Variants in SEMA6D observed in about 807,000 individuals in gnomAD.
The protein encoded by SEMA6D is semaphorin 6D, also known as semaphorin-6D.
SEMA6D carries 35 observed loss-of-function variants against 106.6 expected under a neutral mutation model. The ratio of observed to expected loss-of-function variants is 0.33; its 90% CI spans 0.25 to 0.44. The LOEUF is 0.44. Ranked by LOEUF, SEMA6D falls within the 20% of genes least tolerant of loss-of-function variation. The pLI is 1.00. For missense variants in SEMA6D, 1,185 were observed against 1,345.9 expected (o/e 0.88, Z 1.87); for synonymous variants, 499 against 487.7 (o/e 1.02, Z -0.31).
chr15:47,265,907 C>T (rs2034294987), intron 1 of SEMA6D, among the ~76,000 whole-genome samples: 2 of 152,092 alleles, frequency 1.3e-5, no homozygotes, highest in South Asian at 4.1e-4. Flanking sequence ...GTTGGGATGA[C>T]AGTGGTTTTA....
At chr15:47,309,998 G>A (rs1496913) in intron 1 of SEMA6D, among the ~76,000 whole-genome samples, 150,591 of 152,304 alleles carry the variant, frequency 0.99, 74,460 homozygotes, top group Middle Eastern at 1. Flanking sequence ...CTCAGAAGAT[G>A]GCCTTGACTG....
At chr15:47,648,399 G>A (rs897579494) in intron 4 of SEMA6D, among the ~76,000 whole-genome samples, 1 of 152,076 alleles carries the variant, frequency 6.6e-6, no homozygotes, top group Non-Finnish European at 1.5e-5. Flanking sequence ...TCCTCTCCAG[G>A]GCTGGTTCCC....
intron 2 of SEMA6D, among the ~76,000 whole-genome samples, chr15:47,426,274 A>T (rs2041335032): frequency 6.6e-6 from 1 of 152,078 alleles, no homozygotes; most frequent in Non-Finnish European, 1.5e-5. Flanking sequence ...TGTGGCTGGT[A>T]CTACAGGCAT....
intron 1 of SEMA6D, among the ~76,000 whole-genome samples, chr15:47,750,226 A>C (rs2081355755): frequency 1.3e-5 from 2 of 152,114 alleles, no homozygotes; most frequent in South Asian, 2.1e-4. Flanking sequence ...AAATGCTTGG[A>C]TATTGAGGAG....
intron 1 of SEMA6D, among the ~76,000 whole-genome samples, chr15:47,733,960 C>T (rs2080296586): frequency 6.6e-6 from 1 of 152,168 alleles, no homozygotes; most frequent in South Asian, 2.1e-4. Flanking sequence ...AACAAGTCTG[C>T]ATGTGGCATT....
chr15:47,398,063 C>T (rs922961551), intron 1 of SEMA6D, among the ~76,000 whole-genome samples: 5 of 152,128 alleles, frequency 3.3e-5, no homozygotes, highest in East Asian at 3.9e-4. Flanking sequence ...AGCAAAAATC[C>T]GTAGCAGTTT....
At chr15:47,184,306 C>T (rs1893385091) in exon 1 of SEMA6D, 1 of 152,524 alleles carries the variant, frequency 6.6e-6, no homozygotes, top group African/African-American at 2.4e-5. Context: ...GTTTCCAGTC[C>T]TCGATAAGTG....
intron 4 of SEMA6D, among the ~76,000 whole-genome samples, chr15:47,672,970 C>T (rs2078167284): frequency 6.6e-6 from 1 of 152,070 alleles, no homozygotes. Context: ...TGCGAGCCAA[C>T]CCCTATAGCT....
At chr15:47,270,487 G>A (rs987919859) in intron 1 of SEMA6D, among the ~76,000 whole-genome samples, 1 of 151,710 alleles carries the variant, frequency 6.6e-6, no homozygotes, top group Non-Finnish European at 1.5e-5. Context: ...GTGGCCTCTA[G>A]TAAAAATGTG....
intron 2 of SEMA6D, among the ~76,000 whole-genome samples, chr15:47,414,672 T>C (rs1232760255): frequency 2.0e-5 from 3 of 152,194 alleles, no homozygotes; most frequent in Non-Finnish European, 4.4e-5. Flanking sequence ...GAAGATTTTC[T>C]TAGAACTAGC....
intron 3 of SEMA6D, among the ~76,000 whole-genome samples, chr15:47,562,258 A>G (rs1268227498): frequency 1.3e-5 from 2 of 152,012 alleles, no homozygotes; most frequent in African/African-American, 4.8e-5. Context: ...AAAAAAATTA[A>G]ATAAATTGTA....
At chr15:47,434,603 A>G (rs2041644595) in intron 2 of SEMA6D, among the ~76,000 whole-genome samples, 1 of 152,082 alleles carries the variant, frequency 6.6e-6, no homozygotes. Context: ...TAGGCAAGTG[A>G]TACACTATTT....
In SEMA6D at chr15:47,720,108, C is replaced by A. The variant is rs1238788288; in HGVS notation, c.-55+2416C>A. ...TCCAGAAAGACAGTTAAATAGATAA[C>A]CCTAAGGCTTCCAAAATGTGTTGTT... On this transcript the variant is annotated intron_variant, in intron 1 of 18. Transcript: ENST00000536845. Among the ~76,000 whole-genome samples, 3 of 152,164 alleles carry A rather than the reference C, an allele frequency of 2.0e-5. No homozygotes were observed. The South Asian group carries it at 6.2e-4, about 32-fold the overall frequency.
At chr15:47,245,761 C>A (rs2033160791) in intron 1 of SEMA6D, among the ~76,000 whole-genome samples, 1 of 152,070 alleles carries the variant, frequency 6.6e-6, no homozygotes. Flanking sequence ...TTTCAGAGAT[C>A]TGTTTGTATC....
intron 4 of SEMA6D, among the ~76,000 whole-genome samples, chr15:47,671,881 G>A (rs2078144501): frequency 6.6e-6 from 1 of 152,152 alleles, no homozygotes; most frequent in East Asian, 1.9e-4. Context: ...ATTCTGCTTT[G>A]TGGATGTGTG....
At chr15:47,563,594 A>T (rs189228399) in intron 3 of SEMA6D, among the ~76,000 whole-genome samples, 62 of 152,228 alleles carry the variant, frequency 4.1e-4, no homozygotes, top group African/African-American at 1.4e-3. Context: ...CTTTATTTGT[A>T]GTTTTCTTCT....
chr15:47,195,138 T>C (rs1266145200), intron 1 of SEMA6D, among the ~76,000 whole-genome samples: 1 of 152,144 alleles, frequency 6.6e-6, no homozygotes, highest in Admixed American at 6.5e-5. Context: ...TAGAAACAAA[T>C]GGCATTTTTA....
intron 3 of SEMA6D, among the ~76,000 whole-genome samples, chr15:47,472,682 A>G (rs2042886941): frequency 6.6e-6 from 1 of 152,210 alleles, no homozygotes; most frequent in Non-Finnish European, 1.5e-5. Flanking sequence ...TATCAATAAA[A>G]ATACCAATAA....
Position 47,361,442 on chromosome 15 carries a change from A to G in SEMA6D, c.-238-50951A>G, listed in dbSNP as rs571878111. Among the ~76,000 whole-genome samples the G allele has an allele frequency of 7.9e-5, 12 of 152,306 alleles. No individual in the cohort carries two copies. In the South Asian group the frequency reaches 2.1e-3, roughly 26 times the overall value. On this transcript the variant is annotated intron_variant, in intron 1 of 19. Transcript: ENST00000558014. The stretch of plus-strand genomic sequence containing the variant: ...TGGATATGTTTCAGCGCTGACAATG[A>G]TTTCTACAAGTCCTATACTTCATGG...
Sources: allele counts gnomAD v4.1 joint callset (sites outside exome capture counted in the v4.1 genomes callset), GRCh38; gene constraint gnomAD v4.1.1; transcripts MANE v1.5; gene names NCBI Gene and HGNC (gene_info 2026-07-23, HGNC 2026-07-21).